Variants in SLC4A4 observed in about 807,000 individuals in gnomAD.
SLC4A4 encodes solute carrier family 4 member 4.
Under a neutral mutation model 111.5 loss-of-function variants are expected in SLC4A4, and 27 were observed. That is an observed-to-expected ratio of 0.24 (90% CI 0.18 to 0.33). SLC4A4 has a LOEUF of 0.33. Ranked by LOEUF, SLC4A4 falls within the 10% of genes least tolerant of loss-of-function variation. The pLI is 1.00. For missense variants in SLC4A4, 909 were observed against 1,315.5 expected, an observed-to-expected ratio of 0.69 and a Z score of 4.78; for synonymous variants, 443 against 463.4, an observed-to-expected ratio of 0.96 and a Z score of 0.57.
chr4:71,199,146 T>A (rs1746138924), intron 1 of SLC4A4, among the ~76,000 whole-genome samples: 1 of 152,234 alleles, frequency 6.6e-6, no homozygotes, highest in Non-Finnish European at 1.5e-5. Flanking sequence ...TCGTCAGGTG[T>A]CACTGAAAGT....
At chr4:71,517,705 C>A (rs957426205) in intron 16 of SLC4A4, among the ~76,000 whole-genome samples, 24 of 152,096 alleles carry the variant, frequency 1.6e-4, no homozygotes, top group African/African-American at 5.6e-4. Context: ...TGATTTGTTT[C>A]TGTGCATTTG....
chr4:71,550,674 T>A lies in SLC4A4; in HGVS notation c.2694+2954T>A, dbSNP rs190278682. On this transcript the variant is annotated intron_variant, in intron 20 of 25. Transcript: ENST00000264485. ...GAAAAGAGAAATGTGTTACTTTTAC[T>A]TTTTAAAATGAAATGGCTCAACACC... Among the ~76,000 whole-genome samples the A allele has an allele frequency of 3.9e-5, 6 of 152,042 alleles. No individual in the cohort carries two copies. The East Asian group carries it at 1.2e-3, about 30-fold the overall frequency.
intron 20 of SLC4A4, among the ~76,000 whole-genome samples, chr4:71,550,884 G>A (rs1735925449): frequency 6.6e-6 from 1 of 151,978 alleles, no homozygotes; most frequent in Admixed American, 6.6e-5. Context: ...TTATGTGGAA[G>A]AATGTAAGGA....
At chr4:71,378,523 A>C (rs758316632) in intron 6 of SLC4A4, among the ~76,000 whole-genome samples, 7 of 152,232 alleles carry the variant, frequency 4.6e-5, no homozygotes, top group Non-Finnish European at 1.0e-4. Context: ...ACAGTCTTTC[A>C]TGCAAATATA....
intron 18 of SLC4A4, among the ~76,000 whole-genome samples, chr4:71,542,020 CA>C (rs1289559150): frequency 6.6e-6 from 1 of 151,944 alleles, no homozygotes; most frequent in Admixed American, 6.6e-5. Context: ...TGTTTTTATG[CA>C]TATATAGGTG....
rs367581459 is a variant in SLC4A4, at chr4:71,518,299, G to A, written c.2167-13763G>A. Among the ~76,000 whole-genome samples, 19 of 152,272 alleles carry A rather than the reference G, an allele frequency of 1.2e-4. No homozygotes were observed. The East Asian group carries it at 2.7e-3, about 22-fold the overall frequency. On this transcript the variant is annotated intron_variant, in intron 16 of 25. Transcript: ENST00000264485. ...CCACAGAGGCTGTCCTGAAACATGG[G>A]TCTGCTGAAGTGGGCCTGGATCCTA... is the stretch of plus-strand genomic sequence containing the variant.
chr4:71,170,770 A>T (rs1361583784), intron 2 of SLC4A4, among the ~76,000 whole-genome samples: 1 of 152,228 alleles, frequency 6.6e-6, no homozygotes, highest in South Asian at 2.1e-4. Context: ...GGTGACATTT[A>T]AGTGGCATAG....
chr4:71,243,230 A>G (rs1720389301), intron 2 of SLC4A4, among the ~76,000 whole-genome samples: 1 of 152,346 alleles, frequency 6.6e-6, no homozygotes, highest in African/African-American at 2.4e-5. Context: ...GTATTTAAAC[A>G]TGCATATAGA....
At chr4:71,250,984 G>A (rs1450485994) in intron 2 of SLC4A4, among the ~76,000 whole-genome samples, 2 of 152,126 alleles carry the variant, frequency 1.3e-5, no homozygotes, top group Admixed American at 6.5e-5. Context: ...AAAACACCTC[G>A]CAGTGCTTGG....
chr4:71,265,395 G>A (rs755382437), intron 3 of SLC4A4, among the ~76,000 whole-genome samples: 1 of 152,132 alleles, frequency 6.6e-6, no homozygotes, highest in African/African-American at 2.4e-5. Context: ...TTTTAAAAAT[G>A]TCATTGATTT....
rs540545489 is a variant in SLC4A4 at position 71,354,201 on chromosome 4, G to A, written c.551-2807G>A. 2.6e-5 allele frequency among the ~76,000 whole-genome samples: 4 copies of A among 152,170 alleles called. No homozygotes were observed. The East Asian group carries it at 5.8e-4, about 22-fold the overall frequency. On this transcript the variant is annotated intron_variant, in intron 5 of 25. Transcript: ENST00000264485. ...CCCTTTTAAGTTAAAAAAATTATAA[G>A]CCATTTCAGGTATTTTACCATGATG...
chr4:71,399,042 A>G (rs1579010356), intron 7 of SLC4A4, among the ~76,000 whole-genome samples: 1 of 152,218 alleles, frequency 6.6e-6, no homozygotes, highest in African/African-American at 2.4e-5. Flanking sequence ...ATAATACATC[A>G]TAGCAACTGT....
At chr4:71,088,035 A>T (rs1742244335) in intron 1 of SLC4A4, among the ~76,000 whole-genome samples, 1 of 151,914 alleles carries the variant, frequency 6.6e-6, no homozygotes, top group Admixed American at 6.6e-5. Context: ...ATTGTGTGGG[A>T]GTCTAAGTCT....
intron 7 of SLC4A4, 87 bp from the exon 8 acceptor site, chr4:71,440,529 C>T: frequency 1.4e-6 from 2 of 1,467,560 alleles, no homozygotes; most frequent in South Asian, 2.3e-5. Flanking sequence ...ATGGGAAGGC[C>T]CTTTTTGTTC....
At chr4:71,300,945 GT>G in intron 3 of SLC4A4, 1 of 522,220 alleles carries the variant, frequency 1.9e-6, no homozygotes, top group Non-Finnish European at 3.9e-6. Flanking sequence ...GTTGTTGTTA[GT>G]GCCATAGATC....
intron 7 of SLC4A4, among the ~76,000 whole-genome samples, chr4:71,419,983 G>T (rs184354200): frequency 1.6e-3 from 244 of 152,346 alleles, no homozygotes; most frequent in African/African-American, 5.7e-3. Context: ...AACAAAGCTG[G>T]ACGGAGAATG....
At chr4:71,223,473 T>G (rs1384996553) in intron 1 of SLC4A4, among the ~76,000 whole-genome samples, 1 of 152,202 alleles carries the variant, frequency 6.6e-6, no homozygotes, top group Non-Finnish European at 1.5e-5. Context: ...TGCACTGACA[T>G]TCTTTTATTT....
At chr4:71,455,327 A>G (rs928199659) in intron 12 of SLC4A4, among the ~76,000 whole-genome samples, 1 of 152,198 alleles carries the variant, frequency 6.6e-6, no homozygotes, top group Non-Finnish European at 1.5e-5. Context: ...AAATAGACAG[A>G]GCATGTTTTT....
intron 2 of SLC4A4, among the ~76,000 whole-genome samples, chr4:71,253,102 G>C (rs1164563898): frequency 1.3e-5 from 2 of 152,170 alleles, no homozygotes; most frequent in African/African-American, 4.8e-5. Flanking sequence ...ATCTGTTGCT[G>C]AGAGGATGCC....
Sources: allele counts gnomAD v4.1 joint callset (sites outside exome capture counted in the v4.1 genomes callset), GRCh38; gene constraint gnomAD v4.1.1; transcripts MANE v1.5; gene names NCBI Gene and HGNC (gene_info 2026-07-23, HGNC 2026-07-21).